Variants in TNNI3K observed in about 807,000 individuals in gnomAD.
TNNI3K encodes serine/threonine-protein kinase TNNI3K.
TNNI3K carries 140 observed loss-of-function variants against 114.5 expected under a neutral mutation model. The ratio of observed to expected loss-of-function variants is 1.22; its 90% confidence interval spans 1.07 to 1.41. The LOEUF is 1.41. Among genes scored for constraint, TNNI3K ranks in the 40% most tolerant of loss-of-function variants. TNNI3K has a pLI of 0.00. For synonymous variants in TNNI3K, 347 were observed against 347.5 expected, an observed-to-expected ratio of 1.00 and a Z score of 0.02; for missense variants, 1,125 against 1,007.6, an observed-to-expected ratio of 1.12 and a Z score of -1.58.
intron 4 of TNNI3K, among the ~76,000 whole-genome samples, chr1:74,253,720 C>T (rs141926642): frequency 0.011 from 1,637 of 152,160 alleles, 25 homozygotes; most frequent in East Asian, 0.027. Context: ...AGTTCCTGCC[C>T]GTGCCTCTCC....
chr1:74,508,652 A>T (rs956289713), intron 23 of TNNI3K, among the ~76,000 whole-genome samples: 1 of 152,198 alleles, frequency 6.6e-6, no homozygotes, highest in Non-Finnish European at 1.5e-5. Context: ...ACACAAACTG[A>T]GAAAACCAAC....
chr1:74,426,563 A>G (rs2100645711), intron 17 of TNNI3K, among the ~76,000 whole-genome samples: 1 of 152,068 alleles, frequency 6.6e-6, no homozygotes, highest in Admixed American at 6.6e-5. Context: ...TGTCAATGGC[A>G]TCTCTTTTTT....
intron 23 of TNNI3K, among the ~76,000 whole-genome samples, chr1:74,527,070 G>A (rs1251335779): frequency 6.6e-6 from 1 of 152,152 alleles, no homozygotes; most frequent in Non-Finnish European, 1.5e-5. Context: ...ATCTATATTT[G>A]TTCAAGTCAC....
intron 4 of TNNI3K, among the ~76,000 whole-genome samples, chr1:74,269,804 A>T (rs1656232194): frequency 6.6e-6 from 1 of 151,806 alleles, no homozygotes; most frequent in South Asian, 2.1e-4. Context: ...CCAAAGATGC[A>T]TTTATCAGAT....
intron 6 of TNNI3K, among the ~76,000 whole-genome samples, chr1:74,335,538 T>C (rs1660420577): frequency 6.6e-6 from 1 of 152,186 alleles, no homozygotes; most frequent in Non-Finnish European, 1.5e-5. Flanking sequence ...GTGTTAGATC[T>C]TAATTAGCTG....
intron 17 of TNNI3K, 193 bp downstream of exon 17, chr1:74,370,585 TC>T: frequency 2.6e-6 from 1 of 391,494 alleles, no homozygotes; most frequent in Non-Finnish European, 4.5e-6. Flanking sequence ...TATAACTGCT[TC>T]TCAGGGATCT....
At chr1:74,445,062 A>G (rs894634178) in intron 20 of TNNI3K, among the ~76,000 whole-genome samples, 6 of 152,174 alleles carry the variant, frequency 3.9e-5, no homozygotes, top group African/African-American at 1.4e-4. Flanking sequence ...TAAATGTAAA[A>G]CCCAAAACCA....
At chr1:74,237,495 C>G (rs1420076063) in intron 2 of TNNI3K, among the ~76,000 whole-genome samples, 1 of 151,806 alleles carries the variant, frequency 6.6e-6, no homozygotes, top group Non-Finnish European at 1.5e-5. Flanking sequence ...AAGGTCAAAG[C>G]CTCAGTTATT....
chr1:74,383,593 A>G (rs1345669594), intron 17 of TNNI3K, among the ~76,000 whole-genome samples: 1 of 152,056 alleles, frequency 6.6e-6, no homozygotes, highest in Admixed American at 6.6e-5. Context: ...TGCTATTAAA[A>G]TTGCTCATGA....
intron 17 of TNNI3K, among the ~76,000 whole-genome samples, chr1:74,410,723 A>G (rs1219940231): frequency 6.6e-6 from 1 of 152,228 alleles, no homozygotes; most frequent in African/African-American, 2.4e-5. Context: ...AATAGCCAAG[A>G]TGATGAGATA....
chr1:74,381,894 A>G (rs567158388), intron 17 of TNNI3K, among the ~76,000 whole-genome samples: 3 of 152,336 alleles, frequency 2.0e-5, no homozygotes, highest in East Asian at 1.9e-4. Context: ...TGGAAACATA[A>G]TGGCAGAGAA....
intron 21 of TNNI3K, among the ~76,000 whole-genome samples, chr1:74,481,907 A>C (rs1668524522): frequency 6.6e-6 from 1 of 152,172 alleles, no homozygotes; most frequent in South Asian, 2.1e-4. Flanking sequence ...GCAAATCACA[A>C]ATCCCTTAGG....
intron 23 of TNNI3K, among the ~76,000 whole-genome samples, chr1:74,501,481 T>C (rs1014899163): frequency 8.0e-6 from 1 of 124,296 alleles, no homozygotes. Context: ...TTTGTGTTTG[T>C]TTGTTTGTTT....
intron 5 of TNNI3K, among the ~76,000 whole-genome samples, chr1:74,329,650 A>G (rs1165898801): frequency 6.6e-6 from 1 of 152,124 alleles, no homozygotes; most frequent in Admixed American, 6.6e-5. Flanking sequence ...GTGATTAAAA[A>G]TTAACTATTT....
rs1262590535 is a variant in TNNI3K, at chr1:74,313,452, C to A, written c.445-17998C>A. Among the ~76,000 whole-genome samples, 5 of 152,132 alleles carry A rather than the reference C, an allele frequency of 3.3e-5. No individual in the cohort carries two copies. In the East Asian group the frequency reaches 9.7e-4, roughly 29 times the overall value. On this transcript the variant is annotated intron_variant, in intron 5 of 24. Coordinates refer to ENST00000326637, the MANE Select transcript of TNNI3K (RefSeq NM_015978.3). The stretch of plus-strand genomic sequence containing the variant: ...CTCATAATTTTCTGACACCAATTCC[C>A]AGGTCTGGCTTTCTGTTTAGGCTCC...
chr1:74,411,514 C>T (rs1414306739), intron 17 of TNNI3K, among the ~76,000 whole-genome samples: 2 of 152,118 alleles, frequency 1.3e-5, no homozygotes, highest in Non-Finnish European at 1.5e-5. Context: ...GACCCCCTCC[C>T]CCACCCTGAC....
At chr1:74,539,408 C>A (rs947737039) in intron 23 of TNNI3K, among the ~76,000 whole-genome samples, 2 of 151,926 alleles carry the variant, frequency 1.3e-5, no homozygotes, top group Non-Finnish European at 2.9e-5. Context: ...TGAATGGATG[C>A]TAGAGAGATT....
rs182323822 is a variant in TNNI3K at position 74,287,299 on chromosome 1, T to C, written c.444+15591T>C. ...GAAAGAGAAAGGGGAAGAAAGCTTA[T>C]TGAAAGATATCATGACAGAAAACTT... On this transcript the variant is annotated intron_variant, in intron 5 of 24. Transcript: ENST00000326637. 5.9e-5 allele frequency among the ~76,000 whole-genome samples: 9 copies of C among 152,216 alleles called. No individual in the cohort carries two copies. In the East Asian group the frequency reaches 7.7e-4, roughly 13 times the overall value.
chr1:74,404,882 A>G (rs1664542653), intron 17 of TNNI3K, among the ~76,000 whole-genome samples: 1 of 152,206 alleles, frequency 6.6e-6, no homozygotes. Context: ...AACTGATTTG[A>G]TGATTGGTTG....
Sources: allele counts gnomAD v4.1 joint callset (sites outside exome capture counted in the v4.1 genomes callset), GRCh38; gene constraint gnomAD v4.1.1; transcripts MANE v1.5; gene names NCBI Gene and HGNC (gene_info 2026-07-23, HGNC 2026-07-21).